Variants in PSMC6 observed in about 807,000 individuals in gnomAD.
PSMC6 encodes 26S proteasome regulatory subunit 10B.
Under a neutral mutation model 55.9 loss-of-function variants are expected in PSMC6, and 3 were observed. The observed-to-expected ratio is 0.05, with a 90% CI of 0.02 to 0.14. The LOEUF (loss-of-function observed/expected upper bound fraction) is 0.14. PSMC6 is among the 10% of genes least tolerant of loss of function. The pLI is 1.00. For missense variants in PSMC6, 210 were observed against 478.7 expected (o/e 0.44, Z 5.24); for synonymous variants, 137 against 155.9 (o/e 0.88, Z 0.90).
At chr14:52,715,854 C>A (rs955173146) in intron 7 of PSMC6, among the ~76,000 whole-genome samples, 2 of 151,980 alleles carry the variant, frequency 1.3e-5, no homozygotes, top group African/African-American at 4.8e-5. Flanking sequence ...TGGGCTCAAG[C>A]AACCCGCCCA....
chr14:52,707,972 G>C (rs961748676), intron 1 of PSMC6, among the ~76,000 whole-genome samples: 3 of 152,230 alleles, frequency 2.0e-5, no homozygotes, highest in Non-Finnish European at 4.4e-5. Context: ...GGTAGGTGAA[G>C]AGGTGAGGAA....
At chr14:52,709,771 T>TAC in intron 4 of PSMC6, 1 of 254,446 alleles carries the variant, frequency 3.9e-6, no homozygotes, top group Non-Finnish European at 7.8e-6. Context: ...ATTTGTGTTG[T>TAC]ACTGGTTGAG....
intron 12 of PSMC6, chr14:52,721,392 C>G (rs974639855): frequency 1.1e-5 from 5 of 457,866 alleles, no homozygotes; most frequent in Admixed American, 3.9e-5. Context: ...TAGCAAGGAA[C>G]AAAACAGACA....
At chr14:52,726,041 C>A (rs1880396176) in intron 13 of PSMC6, among the ~76,000 whole-genome samples, 1 of 152,180 alleles carries the variant, frequency 6.6e-6, no homozygotes, top group African/African-American at 2.4e-5. Flanking sequence ...TTGAAATCTT[C>A]TATATTAACT....
At chr14:52,717,421 C>G (rs1458133737) in intron 7 of PSMC6, among the ~76,000 whole-genome samples, 1 of 150,618 alleles carries the variant, frequency 6.6e-6, no homozygotes, top group African/African-American at 2.4e-5. Flanking sequence ...CTGCAACCCC[C>G]ACCTCCCGGA....
intron 6 of PSMC6, 44 bp downstream of exon 6, chr14:52,711,568 C>A (rs773704516): frequency 1.5e-6 from 2 of 1,329,424 alleles, no homozygotes; most frequent in African/African-American, 1.5e-5. Context: ...CTAATAAATA[C>A]TACTAGTTTT....
Position 52,708,333 on chromosome 14 carries a change from C to A in PSMC6, c.110C>A (p.Thr37Asn), listed in dbSNP as rs1309950808. 8 of 1,612,078 alleles carry A rather than the reference C, an allele frequency of 5.0e-6. No homozygotes were observed. In the Admixed American group the frequency reaches 8.3e-5, roughly 17 times the overall value. ...KELREQLKEL[T>N]KQYEKSENDL... Reference sequence around the variant, plus strand: ...GTAAGGGAACAATTAAAAGAACTTACCAAGCAGTATGAAAAGTCTGAAAAT... The same window carrying A: ...GTAAGGGAACAATTAAAAGAACTTAACAAGCAGTATGAAAAGTCTGAAAAT... Residue 37 changes from threonine to asparagine, a missense_variant, in exon 2 of 14, where the codon ACC (threonine) becomes AAC (asparagine). Transcript: ENST00000445930.
At chr14:52,716,616 A>G (rs1243797796) in intron 7 of PSMC6, among the ~76,000 whole-genome samples, 1 of 152,098 alleles carries the variant, frequency 6.6e-6, no homozygotes, top group Non-Finnish European at 1.5e-5. Flanking sequence ...AGCTGGGTGT[A>G]GTAGTTCATG....
chr14:52,712,800 A>G (rs1486355100), intron 6 of PSMC6, among the ~76,000 whole-genome samples: 1 of 152,152 alleles, frequency 6.6e-6, no homozygotes, highest in African/African-American at 2.4e-5. Context: ...TATTTTTTGT[A>G]GAGATGGGGT....
intron 12 of PSMC6, 192 bp downstream of exon 12, chr14:52,721,382 T>C (rs1340600220): frequency 2.0e-6 from 1 of 502,558 alleles, no homozygotes; most frequent in Non-Finnish European, 3.5e-6. Flanking sequence ...GCTGACAATA[T>C]AGCAAGGAAC....
chr14:52,711,265 C>G, intron 5 of PSMC6, 97 bp downstream of exon 5: 4 of 1,350,154 alleles, frequency 3.0e-6, no homozygotes, highest in Non-Finnish European at 4.2e-6. Context: ...TATTTTGGCA[C>G]TTTTTCCCTT....
intron 7 of PSMC6, among the ~76,000 whole-genome samples, chr14:52,714,878 AAAAAAAAAAAT>A (rs1350217060): frequency 1.3e-5 from 2 of 151,370 alleles, no homozygotes; most frequent in Non-Finnish European, 2.9e-5. Flanking sequence ...AAAAAAAAAA[AAAAAAAAAAAT>A]TTTTTTATAT....
chr14:52,714,884 AAAAAT>A (rs2041813705), intron 7 of PSMC6, among the ~76,000 whole-genome samples: 2 of 151,272 alleles, frequency 1.3e-5, no homozygotes, highest in African/African-American at 2.4e-5. Context: ...AAAAAAAAAA[AAAAAT>A]TTTTTTATAT....
intron 13 of PSMC6, among the ~76,000 whole-genome samples, chr14:52,724,680 T>C (rs926964905): frequency 5.3e-5 from 8 of 152,242 alleles, no homozygotes; most frequent in African/African-American, 1.7e-4. Context: ...TACTATTTTT[T>C]TCACTTCTAC....
chr14:52,718,518 G>A (rs532265442), intron 9 of PSMC6, 166 bp downstream of exon 9: 2 of 744,602 alleles, frequency 2.7e-6, no homozygotes, highest in South Asian at 1.9e-5. Flanking sequence ...GCCGGGTGTG[G>A]TGGCTCATGC....
At chr14:52,726,762 C>T (rs1880431566) in intron 13 of PSMC6, among the ~76,000 whole-genome samples, 1 of 152,024 alleles carries the variant, frequency 6.6e-6, no homozygotes. Flanking sequence ...CTGCCTCAGC[C>T]TCCCAAGTAG....
In PSMC6 at chr14:52,711,286, C is replaced by G; in HGVS notation, c.326+118C>G. On this transcript the variant is annotated intron_variant, in intron 5 of 13. Coordinates refer to ENST00000445930, the MANE Select transcript of PSMC6 (RefSeq NM_002806.5). ...GGCACTTTTTCCCTTTTACTAGTTT[C>G]TAATTAAGCACATCTTTATGAGATC... 3 of 1,282,244 alleles carry G rather than the reference C, an allele frequency of 2.3e-6. No homozygotes were observed. The South Asian group carries it at 3.9e-5, about 16-fold the overall frequency. 79.4% of individuals were successfully genotyped at this position (1,282,244 alleles called of 1,614,324 possible).
intron 9 of PSMC6, 133 bp downstream of exon 9, chr14:52,718,485 A>G (rs558545776): frequency 4.2e-5 from 43 of 1,014,592 alleles, no homozygotes; most frequent in South Asian, 4.2e-4. Flanking sequence ...AGTTTAACCA[A>G]TTTTAATAAA....
At chr14:52,715,081 C>T (rs915055486) in intron 7 of PSMC6, among the ~76,000 whole-genome samples, 11 of 150,830 alleles carry the variant, frequency 7.3e-5, no homozygotes, top group East Asian at 1.9e-4. Context: ...TGGCATGAAA[C>T]GGTGCTAGTT....
Sources: allele counts gnomAD v4.1 joint callset (sites outside exome capture counted in the v4.1 genomes callset), GRCh38; gene constraint gnomAD v4.1.1; transcripts MANE v1.5; gene names NCBI Gene and HGNC (gene_info 2026-07-23, HGNC 2026-07-21).